SLC1A7: variants seen among roughly 807,000 people sequenced by gnomAD.
The protein encoded by SLC1A7 is excitatory amino acid transporter 5.
In SLC1A7, 40 loss-of-function variants were observed where a neutral mutation model predicts 47.7. That is an observed-to-expected ratio of 0.84 (90% CI 0.65 to 1.09). The LOEUF (loss-of-function observed/expected upper bound fraction) is 1.09. SLC1A7 is among the 50% of genes least tolerant of loss of function. The pLI is 0.00. For synonymous variants in SLC1A7, 323 were observed against 325.6 expected, an observed-to-expected ratio of 0.99 and a Z score of 0.09; for missense variants, 746 against 769.5, an observed-to-expected ratio of 0.97 and a Z score of 0.36.
chr1:53,128,692 C>T (rs1337936420), intron 2 of SLC1A7, among the ~76,000 whole-genome samples: 3 of 141,776 alleles, frequency 2.1e-5, no homozygotes, highest in East Asian at 2.1e-4. Context: ...AGGGAGCACC[C>T]GGGTGTGCCT....
At chr1:53,090,897 C>T (rs944427193) in intron 7 of SLC1A7, 91 bp from the exon 8 acceptor site, 9 of 1,549,510 alleles carry the variant, frequency 5.8e-6, no homozygotes, top group African/African-American at 2.7e-5. Flanking sequence ...CAGGCAGCCA[C>T]CCCGCCAGGA....
At chr1:53,115,384 C>A in intron 2 of SLC1A7, 2 of 213,190 alleles carry the variant, frequency 9.4e-6, no homozygotes, top group Admixed American at 1.0e-4. Flanking sequence ...CAGGACCAAG[C>A]TTGGTCTACC....
In SLC1A7 at chr1:53,101,498, ACT is replaced by A. The variant is rs1395406272; in HGVS notation, c.697+1846_697+1847del. Among the ~76,000 whole-genome samples, 3 of 150,852 alleles carry A rather than the reference ACT, an allele frequency of 2.0e-5. No individual in the cohort carries two copies. In the East Asian group the frequency reaches 5.9e-4, roughly 30 times the overall value. ...ACACCCACACACACCACCTCGGTACACTCACACACCCTGCCTCAGTACACTCA... is the reference window on the plus strand; with the variant it reads ...ACACCCACACACACCACCTCGGTACACACACACCCTGCCTCAGTACACTCA... On this transcript the variant is annotated intron_variant, in intron 5 of 10. Transcript: ENST00000371494.
At chr1:53,092,522 C>A in intron 7 of SLC1A7, 32 bp downstream of exon 7, 1 of 1,513,486 alleles carries the variant, frequency 6.6e-7, no homozygotes, top group East Asian at 2.3e-5. Flanking sequence ...CCCCTCCCAG[C>A]TCCCCACCGT....
intron 2 of SLC1A7, among the ~76,000 whole-genome samples, chr1:53,123,371 G>T (rs1006634316): frequency 1.3e-5 from 2 of 152,216 alleles, no homozygotes; most frequent in Non-Finnish European, 2.9e-5. Flanking sequence ...CTCCAGTGCA[G>T]CGGTTCTCCA....
At chr1:53,128,200 T>C (rs1331954481) in intron 2 of SLC1A7, among the ~76,000 whole-genome samples, 2 of 151,980 alleles carry the variant, frequency 1.3e-5, no homozygotes, top group Non-Finnish European at 2.9e-5. Context: ...TTGGGCAGGG[T>C]GCGGTGACTC....
intron 2 of SLC1A7, among the ~76,000 whole-genome samples, chr1:53,119,183 G>A (rs752642164): frequency 6.6e-6 from 1 of 152,108 alleles, no homozygotes; most frequent in Non-Finnish European, 1.5e-5. Context: ...GGGAGATGGA[G>A]GCAACTGGCC....
chr1:53,092,915 C>G (rs1458849461), intron 6 of SLC1A7, 128 bp from the exon 7 acceptor site: 1 of 573,954 alleles, frequency 1.7e-6, no homozygotes. Context: ...GCGAGACTGC[C>G]AAGGTGCCCG....
chr1:53,091,815 C>T lies in SLC1A7; in HGVS notation c.1031+739G>A, dbSNP rs181266107. 5.3e-5 allele frequency among the ~76,000 whole-genome samples: 8 copies of T among 152,304 alleles called. No individual in the cohort carries two copies. The East Asian group carries it at 7.7e-4, about 15-fold the overall frequency. ...CTTAATGTGGAGCTCAGACACTTGC[C>T]ATGGGGAGAGCCAAACTGCCTTCAC... On this transcript the variant is annotated intron_variant, in intron 7 of 10. Coordinates refer to ENST00000371494, the MANE Select transcript of SLC1A7 (RefSeq NM_006671.6).
At chr1:53,108,445 C>A in intron 3 of SLC1A7, 1 of 631,202 alleles carries the variant, frequency 1.6e-6, no homozygotes. Flanking sequence ...TCCCGTCCTT[C>A]CTTAACAGAA....
At chr1:53,090,432 C>A (rs1028535488) in intron 8 of SLC1A7, 180 bp downstream of exon 8, 7 of 1,012,760 alleles carry the variant, frequency 6.9e-6, no homozygotes, top group Non-Finnish European at 8.3e-6. Context: ...CTGTGGCCAC[C>A]AGCAATGCCC....
At chr1:53,127,618 G>A (rs1477252957) in intron 2 of SLC1A7, among the ~76,000 whole-genome samples, 1 of 152,208 alleles carries the variant, frequency 6.6e-6, no homozygotes, top group Admixed American at 6.5e-5. Context: ...GTGGTGGGAT[G>A]TCTCCCTGTG....
intron 1 of SLC1A7, among the ~76,000 whole-genome samples, chr1:53,138,185 C>A (rs1470883633): frequency 6.6e-6 from 1 of 152,188 alleles, no homozygotes; most frequent in African/African-American, 2.4e-5. Context: ...ATTCTGATTT[C>A]CTGTTCCTTA....
intron 2 of SLC1A7, among the ~76,000 whole-genome samples, chr1:53,120,758 C>T (rs572250290): frequency 2.6e-5 from 4 of 152,364 alleles, no homozygotes; most frequent in East Asian, 1.9e-4. Context: ...CCTGACCCAG[C>T]ACCTGGCACA....
At chr1:53,095,856 C>T (rs1644481932) in intron 5 of SLC1A7, among the ~76,000 whole-genome samples, 1 of 144,806 alleles carries the variant, frequency 6.9e-6, no homozygotes, top group Non-Finnish European at 1.5e-5. Context: ...CACACCACCT[C>T]AGTACACTCA....
chr1:53,123,495 A>G (rs1644847913), intron 2 of SLC1A7, among the ~76,000 whole-genome samples: 1 of 152,198 alleles, frequency 6.6e-6, no homozygotes, highest in Non-Finnish European at 1.5e-5. Flanking sequence ...GGGGCTCAGA[A>G]GGGAATGAGG....
chr1:53,125,223 G>A (rs1644869641), intron 2 of SLC1A7, among the ~76,000 whole-genome samples: 1 of 152,228 alleles, frequency 6.6e-6, no homozygotes, highest in Non-Finnish European at 1.5e-5. Context: ...GTAATGTGAG[G>A]CAGAATTTTC....
intron 5 of SLC1A7, among the ~76,000 whole-genome samples, chr1:53,101,542 T>C (rs891851770): frequency 1.6e-5 from 2 of 124,660 alleles, no homozygotes; most frequent in African/African-American, 6.3e-5. Flanking sequence ...CTCGTCACAC[T>C]CACTCACCCT....
intron 2 of SLC1A7, among the ~76,000 whole-genome samples, chr1:53,120,299 G>C (rs1055357737): frequency 2.0e-5 from 3 of 152,112 alleles, no homozygotes; most frequent in African/African-American, 4.8e-5. Flanking sequence ...TTTGCCAAGC[G>C]CTGGTTACAA....
Sources: gnomAD v4.1 joint callset for allele counts (sites outside exome capture counted in the v4.1 genomes callset) on GRCh38, gnomAD v4.1.1 for gene constraint, MANE v1.5 for transcripts, NCBI Gene and HGNC (gene_info 2026-07-23, HGNC 2026-07-21) for gene names.